Variants in SPAG16 observed in about 807,000 individuals in gnomAD.
The protein encoded by SPAG16 is sperm associated antigen 16.
Under a neutral mutation model 80.4 loss-of-function variants are expected in SPAG16, and 86 were observed. That is an observed-to-expected ratio of 1.07 (90% CI 0.90 to 1.28). SPAG16 has a LOEUF of 1.28. Among genes scored for constraint, SPAG16 ranks in the 50% most tolerant of loss-of-function variants. The probability of loss-of-function intolerance (pLI) is 0.00; values close to 1 mark genes in which losing one functional copy is unlikely to be tolerated. For synonymous variants in SPAG16, 294 were observed against 265.9 expected (o/e 1.11, Z -1.03); for missense variants, 870 against 765.3 (o/e 1.14, Z -1.61).
At position 214,410,351 on chromosome 2, in the gene SPAG16, T is replaced by A; in HGVS notation, c.*36T>A. 6.4e-7 allele frequency: 1 copy of A among 1,550,438 alleles called. No individual in the cohort carries two copies. The highest frequency in any genetic ancestry group is 8.8e-7 in the Non-Finnish European group (1 of 1,140,328). On this transcript the variant is annotated 3_prime_UTR_variant, in exon 16 of 16. Transcript: ENST00000331683. ...ATCCCGCTGCAGAGGGCATTCCCTT[T>A]AAGGCTTGAAAATGCCTCCTGTAGT...
In SPAG16 at chr2:214,310,782, G is replaced by A. The variant is rs568521077; in HGVS notation, c.1721-99358G>A. 3.9e-5 allele frequency among the ~76,000 whole-genome samples: 6 copies of A among 152,300 alleles called. No homozygotes were observed. The East Asian group carries it at 1.2e-3, about 29-fold the overall frequency. On this transcript the variant is annotated intron_variant, in intron 15 of 15. Coordinates refer to ENST00000331683, the MANE Select transcript of SPAG16 (RefSeq NM_024532.5). Reference sequence around the variant, plus strand: ...CCAGGCCACAATGCAACTTAGGTCTGTGAGAAATGCCTGTCTGGTGGCTAC... The same window carrying A: ...CCAGGCCACAATGCAACTTAGGTCTATGAGAAATGCCTGTCTGGTGGCTAC...
chr2:213,539,689 G>T (rs1228363369), intron 10 of SPAG16, among the ~76,000 whole-genome samples: 1 of 152,142 alleles, frequency 6.6e-6, no homozygotes. Context: ...CACTACAGTT[G>T]TCCTTGTTAA....
At chr2:214,351,562 G>T (rs1698407719) in intron 15 of SPAG16, among the ~76,000 whole-genome samples, 1 of 152,088 alleles carries the variant, frequency 6.6e-6, no homozygotes. Flanking sequence ...AATTAGCCGG[G>T]CGTGGTGGCA....
chr2:214,038,695 C>T (rs1263038847), intron 13 of SPAG16, among the ~76,000 whole-genome samples: 1 of 142,108 alleles, frequency 7.0e-6, no homozygotes, highest in Non-Finnish European at 1.5e-5. Context: ...CTCCCCCCTC[C>T]CCCTACCCCA....
rs571259877 is a variant in SPAG16, at chr2:213,379,659, G to A, written c.942+4540G>A. Among the ~76,000 whole-genome samples, 22 of 152,306 alleles carry A rather than the reference G, an allele frequency of 1.4e-4. No homozygotes were observed. The East Asian group carries it at 4.1e-3, about 28-fold the overall frequency. ...GACAAACCTCTGCCCTTTCCATGAT[G>A]GAAGAGGTCCAGTATAATCAATCTG... On this transcript the variant is annotated intron_variant, in intron 9 of 15. Coordinates refer to ENST00000331683, the MANE Select transcript of SPAG16 (RefSeq NM_024532.5).
chr2:214,093,156 G>A (rs565835128), intron 13 of SPAG16, among the ~76,000 whole-genome samples: 1 of 151,836 alleles, frequency 6.6e-6, no homozygotes, highest in Admixed American at 6.6e-5. Context: ...TGATCCTTTA[G>A]TTCTCTCTTT....
intron 13 of SPAG16, among the ~76,000 whole-genome samples, chr2:214,031,598 T>A (rs1426420856): frequency 1.5e-5 from 2 of 132,464 alleles, no homozygotes; most frequent in African/African-American, 5.8e-5. Context: ...AGTATAATAA[T>A]AATAAAATAA....
chr2:214,054,811 CA>C (rs2049849201), intron 13 of SPAG16, among the ~76,000 whole-genome samples: 1 of 152,088 alleles, frequency 6.6e-6, no homozygotes, highest in Non-Finnish European at 1.5e-5. Context: ...AGCAATGTTG[CA>C]GTTTTAATTA....
chr2:214,053,971 A>T (rs1189195810), intron 13 of SPAG16, among the ~76,000 whole-genome samples: 2 of 152,174 alleles, frequency 1.3e-5, no homozygotes, highest in Non-Finnish European at 2.9e-5. Flanking sequence ...TAGGACAATG[A>T]AATAACTTTC....
intron 10 of SPAG16, among the ~76,000 whole-genome samples, chr2:213,659,661 A>C (rs546678036): frequency 6.6e-6 from 1 of 152,198 alleles, no homozygotes; most frequent in South Asian, 2.1e-4. Flanking sequence ...CTTTTTAAAC[A>C]CATTTAAGCA....
At chr2:213,579,505 A>T (rs900872244) in intron 10 of SPAG16, among the ~76,000 whole-genome samples, 1 of 152,184 alleles carries the variant, frequency 6.6e-6, no homozygotes, top group Non-Finnish European at 1.5e-5. Flanking sequence ...TTTTCATTTG[A>T]TCTAAAATAA....
At chr2:213,753,255 G>A (rs1575038130) in intron 10 of SPAG16, among the ~76,000 whole-genome samples, 4 of 152,158 alleles carry the variant, frequency 2.6e-5, no homozygotes, top group Admixed American at 2.0e-4. Flanking sequence ...CTCGTGATCC[G>A]CCTGCCTCGG....
intron 10 of SPAG16, among the ~76,000 whole-genome samples, chr2:213,652,867 G>A (rs1244318739): frequency 6.6e-6 from 1 of 152,076 alleles, no homozygotes; most frequent in Non-Finnish European, 1.5e-5. Flanking sequence ...GTTTATCTGT[G>A]TTTTACTTTT....
At chr2:214,302,672 G>A (rs1694637127) in intron 15 of SPAG16, among the ~76,000 whole-genome samples, 1 of 152,016 alleles carries the variant, frequency 6.6e-6, no homozygotes, top group Non-Finnish European at 1.5e-5. Flanking sequence ...TATTAGAGAT[G>A]GGGTTTTGCC....
chr2:214,294,210 G>A lies in SPAG16; in HGVS notation c.1721-115930G>A, dbSNP rs151057516. 4.8e-3 allele frequency among the ~76,000 whole-genome samples: 737 copies of A among 152,288 alleles called. 4 individuals carry two copies. The highest frequency in any genetic ancestry group is 0.017 in the African/African-American group (699 of 41,560). On this transcript the variant is annotated intron_variant, in intron 15 of 15. Transcript: ENST00000331683. ...GCTCCCTATGTTAGTTTCTAGGCTCGTGGGTGCCGAGGGGCTTGCTCTTGG... is the reference window on the plus strand; with the variant it reads ...GCTCCCTATGTTAGTTTCTAGGCTCATGGGTGCCGAGGGGCTTGCTCTTGG...
intron 1 of SPAG16, among the ~76,000 whole-genome samples, chr2:213,284,939 A>C (rs1033479369): frequency 6.6e-6 from 1 of 152,240 alleles, no homozygotes; most frequent in Admixed American, 6.5e-5. Context: ...AAATTGCTTC[A>C]ACCCTCCTTT....
At chr2:213,728,632 T>A (rs2066882584) in intron 10 of SPAG16, among the ~76,000 whole-genome samples, 1 of 151,888 alleles carries the variant, frequency 6.6e-6, no homozygotes, top group African/African-American at 2.4e-5. Context: ...TCCCAGCACT[T>A]TGGGAGGCCG....
chr2:213,846,177 A>C (rs1021643290), intron 10 of SPAG16, among the ~76,000 whole-genome samples: 2 of 152,170 alleles, frequency 1.3e-5, no homozygotes, highest in African/African-American at 4.8e-5. Flanking sequence ...TGTTTTGAAA[A>C]TTAGTTTCAC....
chr2:214,064,165 T>C (rs761922696), intron 13 of SPAG16, among the ~76,000 whole-genome samples: 2 of 152,172 alleles, frequency 1.3e-5, no homozygotes, highest in Non-Finnish European at 2.9e-5. Flanking sequence ...ATAGCTGTGA[T>C]TGAGATGACA....
Sources: allele counts gnomAD v4.1 joint callset (sites outside exome capture counted in the v4.1 genomes callset), GRCh38; gene constraint gnomAD v4.1.1; transcripts MANE v1.5; gene names NCBI Gene and HGNC (gene_info 2026-07-23, HGNC 2026-07-21).